SLC35D4: variants seen among roughly 807,000 people sequenced by gnomAD.
The protein encoded by SLC35D4 is UDP-N-acetylglucosamine transporter SLC35D4.
chr18:23,265,142 C>T, the SLC35D4 span, among the ~76,000 whole-genome samples: 1 of 152,186 alleles, frequency 6.6e-6, no homozygotes, highest in Admixed American at 6.5e-5. Flanking sequence ...TCAGGGCTGA[C>T]TCTGCAGATC....
At chr18:23,432,536 C>A in the SLC35D4 span, among the ~76,000 whole-genome samples, 2 of 151,888 alleles carry the variant, frequency 1.3e-5, no homozygotes, top group Non-Finnish European at 2.9e-5. Flanking sequence ...CAAAAATTAG[C>A]CGGGCGTGGT....
the SLC35D4 span, among the ~76,000 whole-genome samples, chr18:23,413,294 CT>C: frequency 6.6e-6 from 1 of 152,186 alleles, no homozygotes; most frequent in Non-Finnish European, 1.5e-5. Context: ...AACATGTAAT[CT>C]AGTTTATGCT....
the SLC35D4 span, among the ~76,000 whole-genome samples, chr18:23,317,935 A>G: frequency 6.6e-6 from 1 of 152,012 alleles, no homozygotes; most frequent in African/African-American, 2.4e-5. Flanking sequence ...AGACGGTTTC[A>G]CCATGTTGGC....
the SLC35D4 span, among the ~76,000 whole-genome samples, chr18:23,361,029 G>A: frequency 6.9e-6 from 1 of 145,816 alleles, no homozygotes; most frequent in Non-Finnish European, 1.5e-5. Flanking sequence ...TTGAACCCAG[G>A]AGGCAGAGGT....
At chr18:23,413,259 A>AT in the SLC35D4 span, among the ~76,000 whole-genome samples, 71 of 151,854 alleles carry the variant, frequency 4.7e-4, no homozygotes, top group Middle Eastern at 3.4e-3. Flanking sequence ...TTCATGTTTC[A>AT]TTTTTTTTCT....
chr18:23,248,540 A>ATTTTTTT, the SLC35D4 span, among the ~76,000 whole-genome samples: 1 of 58,730 alleles, frequency 1.7e-5, no homozygotes, highest in African/African-American at 7.0e-5. Flanking sequence ...TTTTTTTTTA[A>ATTTTTTT]AAAAAGGCTG....
the SLC35D4 span, among the ~76,000 whole-genome samples, chr18:23,295,775 G>A: frequency 6.6e-6 from 1 of 152,128 alleles, no homozygotes; most frequent in Non-Finnish European, 1.5e-5. Flanking sequence ...GCTGAGTATG[G>A]ACAAGGCGTA....
the SLC35D4 span, among the ~76,000 whole-genome samples, chr18:23,408,684 T>C: frequency 1.2e-4 from 18 of 152,218 alleles, no homozygotes; most frequent in African/African-American, 4.3e-4. Context: ...AACCATCATG[T>C]TGTAACCTAG....
At chr18:23,304,295 T>G in the SLC35D4 span, among the ~76,000 whole-genome samples, 1 of 142,554 alleles carries the variant, frequency 7.0e-6, no homozygotes, top group Non-Finnish European at 1.5e-5. Context: ...AAAAAAAAAA[T>G]TAAAGAATTT....
the SLC35D4 span, chr18:23,296,975 A>C: frequency 6.6e-6 from 1 of 152,078 alleles, no homozygotes; most frequent in African/African-American, 2.4e-5. Flanking sequence ...GCTGTCACTC[A>C]CTCTAGAGTT....
At chr18:23,309,001 T>G in the SLC35D4 span, among the ~76,000 whole-genome samples, 18 of 152,112 alleles carry the variant, frequency 1.2e-4, no homozygotes, top group South Asian at 3.5e-3. Context: ...CTACAACCCA[T>G]GCACATCCTC....
At chr18:23,249,004 A>ACTGGCG in the SLC35D4 span, among the ~76,000 whole-genome samples, 1 of 152,154 alleles carries the variant, frequency 6.6e-6, no homozygotes, top group Non-Finnish European at 1.5e-5. Context: ...GACTTGGGAA[A>ACTGGCG]CTGGCGCTGG....
the SLC35D4 span, among the ~76,000 whole-genome samples, chr18:23,345,153 T>G: frequency 6.6e-6 from 1 of 152,120 alleles, no homozygotes; most frequent in Non-Finnish European, 1.5e-5. Context: ...GGTTGGTTTG[T>G]ATATGGATAT....
chr18:23,244,455 AC>A, the SLC35D4 span, among the ~76,000 whole-genome samples: 3 of 152,220 alleles, frequency 2.0e-5, no homozygotes, highest in Non-Finnish European at 4.4e-5. Flanking sequence ...TGCGTAGGCT[AC>A]CCGTTTATTT....
At chr18:23,352,393 AACCTCT>A in the SLC35D4 span, 1 of 819,904 alleles carries the variant, frequency 1.2e-6, no homozygotes, top group Non-Finnish European at 1.8e-6. Context: ...ATTATTATGC[AACCTCT>A]ACCTCATCTG....
At chr18:23,436,157 A>G in the SLC35D4 span, among the ~76,000 whole-genome samples, 2,369 of 150,592 alleles carry the variant, frequency 0.016, 70 homozygotes, top group African/African-American at 0.055. Flanking sequence ...CCACCTGAGT[A>G]GCTGGAATTA....
At chr18:23,243,704 C>A in the SLC35D4 span, among the ~76,000 whole-genome samples, 1 of 151,788 alleles carries the variant, frequency 6.6e-6, no homozygotes, top group East Asian at 1.9e-4. Context: ...AAAACCGTCT[C>A]TACTAAAAAA....
the SLC35D4 span, among the ~76,000 whole-genome samples, chr18:23,307,397 T>C: frequency 6.6e-6 from 1 of 152,224 alleles, no homozygotes; most frequent in African/African-American, 2.4e-5. Context: ...ACCCAAATCC[T>C]TGGTAACAAT....
At chr18:23,378,661 G>A in the SLC35D4 span, among the ~76,000 whole-genome samples, 1 of 152,138 alleles carries the variant, frequency 6.6e-6, no homozygotes, top group Non-Finnish European at 1.5e-5. Flanking sequence ...TTAGCAGAGG[G>A]TGACACAGAT....
Sources: allele counts gnomAD v4.1 joint callset (sites outside exome capture counted in the v4.1 genomes callset), GRCh38; gene constraint gnomAD v4.1.1; transcripts MANE v1.5; gene names NCBI Gene and HGNC (gene_info 2026-07-23, HGNC 2026-07-21).